The following ATRNL1 variants were observed in gnomAD, a reference collection of about 807,000 sequenced individuals.
ATRNL1 encodes attractin-like protein 1.
ATRNL1 carries 95 observed loss-of-function variants against 182.7 expected under a neutral mutation model. That is an observed-to-expected ratio of 0.52 (90% CI 0.44 to 0.62). The LOEUF is 0.62. Among genes scored for constraint, ATRNL1 ranks in the 20% least tolerant of loss-of-function variants. The pLI is 0.00. For missense variants in ATRNL1, 1,471 were observed against 1,679.5 expected, an observed-to-expected ratio of 0.88 and a Z score of 2.17; for synonymous variants, 576 against 568.3, an observed-to-expected ratio of 1.01 and a Z score of -0.19.
At chr10:115,669,254 T>C (rs1001207792) in intron 26 of ATRNL1, among the ~76,000 whole-genome samples, 1 of 152,114 alleles carries the variant, frequency 6.6e-6, no homozygotes, top group Non-Finnish European at 1.5e-5. Context: ...TTTTTGCTCA[T>C]TTTTCTGACA....
At chr10:115,827,711 C>T (rs1019846511) in intron 27 of ATRNL1, among the ~76,000 whole-genome samples, 2 of 152,144 alleles carry the variant, frequency 1.3e-5, no homozygotes, top group African/African-American at 2.4e-5. Context: ...AACAGATTGG[C>T]TCCACATGCC....
At chr10:115,193,814 AT>A (rs1387030343) in intron 8 of ATRNL1, among the ~76,000 whole-genome samples, 2 of 148,742 alleles carry the variant, frequency 1.3e-5, no homozygotes, top group Non-Finnish European at 1.5e-5. Context: ...AAGCTTTTCT[AT>A]TTTTTTAATG....
intron 18 of ATRNL1, among the ~76,000 whole-genome samples, chr10:115,316,425 G>A (rs1331283977): frequency 6.6e-6 from 1 of 152,150 alleles, no homozygotes; most frequent in African/African-American, 2.4e-5. Context: ...AGATACATGT[G>A]CATGTGTCTT....
chr10:115,779,071 C>T (rs930236016), intron 27 of ATRNL1, among the ~76,000 whole-genome samples: 11 of 152,250 alleles, frequency 7.2e-5, no homozygotes, highest in African/African-American at 2.4e-4. Context: ...ATTCCTTTTG[C>T]TGCCTGCACC....
At chr10:115,767,025 C>G (rs1555075203) in intron 27 of ATRNL1, among the ~76,000 whole-genome samples, 3 of 152,118 alleles carry the variant, frequency 2.0e-5, no homozygotes, top group Non-Finnish European at 1.5e-5. Context: ...GACTGCAAAG[C>G]CTTTCACAAT....
Position 115,109,432 on chromosome 10 carries a change from A to G in ATRNL1, c.294-10753A>G, listed in dbSNP as rs534959235. Among the ~76,000 whole-genome samples, 93 of 152,316 alleles carry G rather than the reference A, an allele frequency of 6.1e-4. No individual in the cohort carries two copies. The South Asian group carries it at 0.017, about 27-fold the overall frequency. The stretch of plus-strand genomic sequence containing the variant: ...GCATCATTGCATGACAGAAGAGCAA[A>G]GAGAGGGTGAAGAGAGAAAGAGAGG... On this transcript the variant is annotated intron_variant, in intron 1 of 28. Transcript: ENST00000355044.
At chr10:115,831,839 G>A (rs1950569075) in intron 27 of ATRNL1, among the ~76,000 whole-genome samples, 1 of 151,686 alleles carries the variant, frequency 6.6e-6, no homozygotes, top group South Asian at 2.1e-4. Flanking sequence ...TCAACAGAGA[G>A]TGTTATAACT....
In ATRNL1 at chr10:115,932,991, AAAAC is replaced by A. The variant is rs782295938; in HGVS notation, c.4019-11659_4019-11656del. Among the ~76,000 whole-genome samples, 9 of 152,352 alleles carry A rather than the reference AAAAC, an allele frequency of 5.9e-5. No individual in the cohort carries two copies. The East Asian group carries it at 1.5e-3, about 26-fold the overall frequency. ...TTGTAAACAGGTATCTGAGCTTTAA[AAAAC>A]AAACAAAAACACATTCCTGTTAGCT... On this transcript the variant is annotated intron_variant, in intron 28 of 28. Coordinates refer to ENST00000355044, the MANE Select transcript of ATRNL1 (RefSeq NM_207303.4).
chr10:115,568,299 CT>C (rs1555002510), intron 26 of ATRNL1, among the ~76,000 whole-genome samples: 1 of 151,888 alleles, frequency 6.6e-6, no homozygotes, highest in African/African-American at 2.4e-5. Context: ...TTGGTTTCAT[CT>C]TTTTTATGTT....
chr10:115,301,940 G>A lies in ATRNL1; in HGVS notation c.2715G>A (p.Glu905=), dbSNP rs1312932668. Residue 905 remains glutamate (E), a synonymous_variant, in exon 17 of 29, where the codon GAG becomes GAA. Transcript: ENST00000355044. ...SCSNCTSNGM[E]CMWCSSTKRC... ...CCAACTGTACAAGCAATGGCATGGA[G>A]TGTATGTGGTGCAGCAGTACGAAAC... 3.1e-6 allele frequency: 5 copies of A among 1,614,004 alleles called. No individual in the cohort carries two copies. Among genetic ancestry groups the A allele is most frequent in the Non-Finnish European group, 4.2e-6 (5 of 1,179,962 alleles).
intron 18 of ATRNL1, among the ~76,000 whole-genome samples, chr10:115,328,893 G>T (rs1022780927): frequency 6.6e-6 from 1 of 151,852 alleles, no homozygotes; most frequent in African/African-American, 2.4e-5. Context: ...CCTATATTTT[G>T]GTTATTGTGT....
chr10:115,374,524 T>C (rs1314422138), intron 19 of ATRNL1, among the ~76,000 whole-genome samples: 1 of 148,882 alleles, frequency 6.7e-6, no homozygotes, highest in Non-Finnish European at 1.5e-5. Flanking sequence ...CCTTCTTTCT[T>C]TTTTTCTTTC....
intron 27 of ATRNL1, among the ~76,000 whole-genome samples, chr10:115,759,678 CTT>C (rs1230731055): frequency 5.8e-5 from 8 of 138,826 alleles, no homozygotes; most frequent in Admixed American, 7.3e-5. Context: ...GTAAATAAAA[CTT>C]TTTTTTTTTT....
chr10:115,374,453 T>TTTCCTTTC, intron 19 of ATRNL1, among the ~76,000 whole-genome samples: 1 of 135,886 alleles, frequency 7.4e-6, no homozygotes, highest in South Asian at 2.4e-4. Context: ...CCTTCCTTCC[T>TTTCCTTTC]TTCCTTCCTT....
In ATRNL1 at chr10:115,710,112, AAG is replaced by A. The variant is rs568038365; in HGVS notation, c.3796-17133_3796-17132del. ...GTAATATATAGCATTTTTCACCAAA[AAG>A]AGTCATTTATCCTATAGTAAAAAAA... On this transcript the variant is annotated intron_variant, in intron 26 of 28. Coordinates refer to ENST00000355044, the MANE Select transcript of ATRNL1 (RefSeq NM_207303.4). Among the ~76,000 whole-genome samples, 554 of 148,466 alleles carry A rather than the reference AAG, an allele frequency of 3.7e-3. 3 individuals are homozygous for A. The highest frequency in any genetic ancestry group is 8.1e-3 in the African/African-American group (329 of 40,558).
chr10:115,698,965 A>G (rs1247228228), intron 26 of ATRNL1, among the ~76,000 whole-genome samples: 2 of 152,200 alleles, frequency 1.3e-5, no homozygotes, highest in African/African-American at 2.4e-5. Context: ...TATATACACC[A>G]GCAACAAATA....
Position 115,430,957 on chromosome 10 carries a change from T to C in ATRNL1, c.3322+4655T>C, listed in dbSNP as rs181233458. Among the ~76,000 whole-genome samples, 5 of 152,278 alleles carry C rather than the reference T, an allele frequency of 3.3e-5. No homozygotes were observed. In the East Asian group the frequency reaches 9.7e-4, roughly 29 times the overall value. On this transcript the variant is annotated intron_variant, in intron 21 of 28. Coordinates refer to ENST00000355044, the MANE Select transcript of ATRNL1 (RefSeq NM_207303.4). ...GGTTGAGAAATCCTGATTTAGAGGCTTAATCAAATTTATATCTGATTTTGG... is the reference window on the plus strand; with the variant it reads ...GGTTGAGAAATCCTGATTTAGAGGCCTAATCAAATTTATATCTGATTTTGG...
intron 26 of ATRNL1, among the ~76,000 whole-genome samples, chr10:115,661,491 TA>T (rs1211300230): frequency 3.3e-5 from 5 of 152,186 alleles, no homozygotes; most frequent in African/African-American, 9.6e-5. Context: ...GTGATATCAC[TA>T]TGATATGTGA....
chr10:115,781,916 G>A (rs192654615), intron 27 of ATRNL1, among the ~76,000 whole-genome samples: 225 of 152,276 alleles, frequency 1.5e-3, no homozygotes, highest in African/African-American at 5.3e-3. Context: ...TTATATAGTA[G>A]CAACTCTTAC....
Sources: gnomAD v4.1 joint callset for allele counts (sites outside exome capture counted in the v4.1 genomes callset) on GRCh38, gnomAD v4.1.1 for gene constraint, MANE v1.5 for transcripts, NCBI Gene and HGNC (gene_info 2026-07-23, HGNC 2026-07-21) for gene names.